BDNF: variants seen among roughly 807,000 people sequenced by gnomAD.
BDNF encodes brain derived neurotrophic factor.
In BDNF, 1 loss-of-function variant was observed where a neutral mutation model predicts 19.5. The observed-to-expected ratio is 0.05, with a 90% CI of 0.02 to 0.24. The LOEUF is 0.24. Among genes scored for constraint, BDNF ranks in the 10% least tolerant of loss-of-function variants. The pLI is 1.00. For synonymous variants in BDNF, 100 were observed against 121.6 expected (o/e 0.82, Z 1.17); for missense variants, 195 against 317.6 (o/e 0.61, Z 2.93).
In BDNF at chr11:27,718,364, G is replaced by GCT. The variant is rs1564998811; in HGVS notation, c.3+3047_3+3048insAG. 4.9e-5 allele frequency among the ~76,000 whole-genome samples: 4 copies of GCT among 81,948 alleles called. No individual in the cohort carries two copies. The Admixed American group carries it at 5.5e-4, about 11-fold the overall frequency. The allele number at this position is 81,948 out of a possible 152,430, so 53.8% of individuals were successfully genotyped here. The stretch of plus-strand genomic sequence containing the variant: ...CCCGTTCCGCACACCACCCCCCCCC[G>GCT]CCCCTCCCGGGATTTTGCAATAAAT... On this transcript the variant is annotated intron_variant, in intron 1 of 1. Transcript: ENST00000314915.
chr11:27,718,040 A>G (rs923410144), intron 1 of BDNF, among the ~76,000 whole-genome samples: 5 of 152,194 alleles, frequency 3.3e-5, no homozygotes, highest in Non-Finnish European at 7.3e-5. Flanking sequence ...CAAGTCAACT[A>G]AAAGGATAAT....
chr11:27,691,145 G>A (rs1858215598), intron 1 of BDNF: 1 of 152,204 alleles, frequency 6.6e-6, no homozygotes, highest in Admixed American at 6.5e-5. Flanking sequence ...AGAGAGGTAA[G>A]TTATTCCAAA....
intron 1 of BDNF, among the ~76,000 whole-genome samples, chr11:27,711,300 A>C (rs903001288): frequency 6.6e-6 from 1 of 152,246 alleles, no homozygotes; most frequent in Non-Finnish European, 1.5e-5. Flanking sequence ...AGATTTTATT[A>C]TTAATGTATA....
At position 27,673,382 on chromosome 11, in the gene BDNF, G is replaced by A. The variant is rs925072063; in HGVS notation, c.-21-14797C>T. ...AGATGTTGGCATTATGTGGGGATTG[G>A]GAACATGCCAGAACAATCACACATT... On this transcript the variant is annotated intron_variant, in intron 1 of 1. Transcript: ENST00000356660. Among the ~76,000 whole-genome samples the A allele has an allele frequency of 3.9e-5, 6 of 152,092 alleles. 1 individual carries two copies. Among genetic ancestry groups the A allele is most frequent in the African/African-American group, 1.4e-4 (6 of 41,422 alleles).
chr11:27,694,108 A>T (rs1359712903), intron 1 of BDNF, among the ~76,000 whole-genome samples: 1 of 152,194 alleles, frequency 6.6e-6, no homozygotes, highest in East Asian at 1.9e-4. Context: ...AATTTAAGAT[A>T]TACTATATTC....
At chr11:27,685,521 C>T (rs1397511368) in intron 1 of BDNF, among the ~76,000 whole-genome samples, 1 of 152,154 alleles carries the variant, frequency 6.6e-6, no homozygotes, top group African/African-American at 2.4e-5. Context: ...TTCCTGCTTT[C>T]TCCTGTGGGC....
chr11:27,684,080 T>C (rs1006641069), intron 1 of BDNF, among the ~76,000 whole-genome samples: 7 of 152,220 alleles, frequency 4.6e-5, no homozygotes, highest in Non-Finnish European at 8.8e-5. Flanking sequence ...TCTTATTTCA[T>C]TGAGCAGTGG....
chr11:27,676,862 T>A (rs1856188905), intron 1 of BDNF: 2 of 152,248 alleles, frequency 1.3e-5, no homozygotes, highest in Admixed American at 6.5e-5. Flanking sequence ...GAAAGCCTTA[T>A]ACACAGTGTG....
At chr11:27,667,157 C>T (rs1854496154) in intron 1 of BDNF, among the ~76,000 whole-genome samples, 1 of 152,132 alleles carries the variant, frequency 6.6e-6, no homozygotes, top group Non-Finnish European at 1.5e-5. Flanking sequence ...ATTTCATATC[C>T]AGCCAAACTA....
chr11:27,700,097 C>T, intron 1 of BDNF, 67 bp downstream of exon 1: 4 of 985,770 alleles, frequency 4.1e-6, no homozygotes, highest in Non-Finnish European at 4.8e-6. Flanking sequence ...GTGGGGGATC[C>T]CCCAGTCAAC....
chr11:27,676,467 T>G (rs1856123586), intron 1 of BDNF, among the ~76,000 whole-genome samples: 1 of 152,180 alleles, frequency 6.6e-6, no homozygotes, highest in Non-Finnish European at 1.5e-5. Context: ...AATCAACCTT[T>G]CTAATGAGAA....
intron 1 of BDNF, among the ~76,000 whole-genome samples, chr11:27,678,300 C>G (rs574977946): frequency 6.6e-6 from 1 of 152,294 alleles, no homozygotes; most frequent in South Asian, 2.1e-4. Flanking sequence ...TGAAACACAA[C>G]ACAACCCTGA....
chr11:27,668,367 A>G (rs1854732419), intron 1 of BDNF, among the ~76,000 whole-genome samples: 1 of 152,192 alleles, frequency 6.6e-6, no homozygotes, highest in Non-Finnish European at 1.5e-5. Flanking sequence ...AAGCAAGAGC[A>G]AACACATTCA....
rs1860702664 is a variant in BDNF at position 27,720,352 on chromosome 11, T to C, written c.3+1060A>G. ...TCCCCGCCCTGGTGCTTACCTTCTTTGCGGCTTACACCACCCCGGTGGCTA... is the reference window on the plus strand; with the variant it reads ...TCCCCGCCCTGGTGCTTACCTTCTTCGCGGCTTACACCACCCCGGTGGCTA... On this transcript the variant is annotated intron_variant, in intron 1 of 1. Transcript: ENST00000314915. The C allele has an allele frequency of 9.1e-6, 9 of 985,756 alleles. 1 individual carries two copies. The highest frequency in any genetic ancestry group is 3.6e-6 in the Non-Finnish European group (3 of 829,988). The allele number at this position is 985,756 out of a possible 1,614,324, so 61.1% of individuals were successfully genotyped here. A position where few individuals can be genotyped will look rare whatever the true frequency, so the allele number is the denominator to read the frequency against.
Position 27,656,621 on chromosome 11 carries a change from T to G in BDNF, c.*1200A>C. The G allele has an allele frequency of 2.0e-6, 2 of 985,830 alleles. No individual in the cohort carries two copies. Among genetic ancestry groups the G allele is most frequent in the Non-Finnish European group, 2.4e-6 (2 of 829,930 alleles). The allele number at this position is 985,830 out of a possible 1,614,324, so 61.1% of individuals were successfully genotyped here. ...CTCCATTTGGCTGTTCAGTCTCATGTCACTGGCAATGTGGATTCCTGTTCT... is the reference window on the plus strand; with the variant it reads ...CTCCATTTGGCTGTTCAGTCTCATGGCACTGGCAATGTGGATTCCTGTTCT... On this transcript the variant is annotated 3_prime_UTR_variant, in exon 2 of 2. Transcript: ENST00000356660.
chr11:27,691,990 A>G (rs1303964643), intron 1 of BDNF, among the ~76,000 whole-genome samples: 1 of 152,218 alleles, frequency 6.6e-6, no homozygotes, highest in Non-Finnish European at 1.5e-5. Flanking sequence ...GAATTTGATA[A>G]GAACTTTTTT....
At chr11:27,664,313 C>A (rs1163773583) in intron 1 of BDNF, among the ~76,000 whole-genome samples, 1 of 152,128 alleles carries the variant, frequency 6.6e-6, no homozygotes, top group Non-Finnish European at 1.5e-5. Flanking sequence ...TTCATTCATT[C>A]ATCACACATG....
intron 1 of BDNF, chr11:27,659,308 A>T: frequency 2.0e-6 from 2 of 999,558 alleles, no homozygotes; most frequent in Non-Finnish European, 2.4e-6. Flanking sequence ...TCCCAATTCC[A>T]CTGTTCTTTA....
chr11:27,684,921 G>A (rs995234844), intron 1 of BDNF, among the ~76,000 whole-genome samples: 7 of 152,184 alleles, frequency 4.6e-5, no homozygotes, highest in Admixed American at 4.6e-4. Flanking sequence ...CATAAAATGA[G>A]TTAGGGAGGA....
Sources: gnomAD v4.1 joint callset for allele counts (sites outside exome capture counted in the v4.1 genomes callset) on GRCh38, gnomAD v4.1.1 for gene constraint, MANE v1.5 for transcripts, NCBI Gene and HGNC (gene_info 2026-07-23, HGNC 2026-07-21) for gene names.